ZNF382: variants seen among roughly 807,000 people sequenced by gnomAD.
The protein encoded by ZNF382 is KRAB/zinc finger suppressor protein 1.
A neutral mutation model predicts 38.8 loss-of-function variants in ZNF382; 20 were observed. That is an observed-to-expected ratio of 0.51 (90% CI 0.36 to 0.75). The LOEUF (loss-of-function observed/expected upper bound fraction) is 0.75, where lower values mean the gene tolerates loss of function less well. Ranked by LOEUF, ZNF382 falls within the 30% of genes least tolerant of loss-of-function variation. The pLI, the probability that ZNF382 is intolerant of heterozygous loss-of-function variation, is 0.00. For synonymous variants in ZNF382, 202 were observed against 223.1 expected, an observed-to-expected ratio of 0.91 and a Z score of 0.84; for missense variants, 546 against 654.1, an observed-to-expected ratio of 0.83 and a Z score of 1.80.
At position 36,626,234 on chromosome 19, in the gene ZNF382, A is replaced by G. The variant is rs772050971; in HGVS notation, c.337A>G (p.Arg113Gly). 6.2e-7 allele frequency: 1 copy of G among 1,608,162 alleles called. No homozygotes were observed. Among genetic ancestry groups the G allele is most frequent in the Non-Finnish European group, 8.5e-7 (1 of 1,178,510 alleles). Residue 113 changes from arginine (R) to glycine (G), a missense_variant, in exon 5 of 5, where the codon AGA becomes GGA. Transcript: ENST00000292928. Reference protein sequence around the residue: ...FINHKKLIKERSNIYGKTFTL... With the variant: ...FINHKKLIKEGSNIYGKTFTL... ...CAACCACAAAAAACTAATTAAGGAG[A>G]GAAGTAATATTTATGGTAAAACATT...
rs1416552915 is a variant in ZNF382 at position 36,631,204 on chromosome 19, C to A, written c.*3654C>A. The A allele has an allele frequency of 6.6e-6, 1 of 152,126 alleles. No individual in the cohort carries two copies. Among genetic ancestry groups the A allele is most frequent in the Non-Finnish European group, 1.5e-5 (1 of 68,054 alleles). 9.4% of individuals were successfully genotyped at this position (152,126 alleles called of 1,614,324 possible). A position where few individuals can be genotyped will look rare whatever the true frequency, so the allele number is the denominator to read the frequency against. ...GTGCAAGCATCACAGAGTGCTGATA[C>A]AAACCGAGATGGTACAGCCTACTAA... On this transcript the variant is annotated 3_prime_UTR_variant, in exon 5 of 5. Coordinates refer to ENST00000292928, the MANE Select transcript of ZNF382 (RefSeq NM_032825.5).
chr19:36,612,378 A>G (rs1039687328), intron 4 of ZNF382, among the ~76,000 whole-genome samples: 1 of 152,200 alleles, frequency 6.6e-6, no homozygotes, highest in South Asian at 2.1e-4. Context: ...GGATGTTTCT[A>G]GTTTAGACCT....
rs574279477 is a variant in ZNF382, at chr19:36,613,703, G to A, written c.232+2961G>A. On this transcript the variant is annotated intron_variant, in intron 4 of 4. Coordinates refer to ENST00000292928, the MANE Select transcript of ZNF382 (RefSeq NM_032825.5). ...GATCCACCTGCCTCAGCCTCCCAAA[G>A]TGCTGGGATTACAGGCATGAGCCAC... Among the ~76,000 whole-genome samples, 5 of 152,036 alleles carry A rather than the reference G, an allele frequency of 3.3e-5. No homozygotes were observed. In the East Asian group the frequency reaches 9.7e-4, roughly 30 times the overall value.
intron 4 of ZNF382, among the ~76,000 whole-genome samples, chr19:36,620,680 C>A (rs1400597898): frequency 2.0e-5 from 3 of 152,066 alleles, no homozygotes; most frequent in African/African-American, 7.2e-5. Flanking sequence ...ATCAATTGTC[C>A]TATCCTTTTT....
At position 36,626,923 on chromosome 19, in the gene ZNF382, T is replaced by C; in HGVS notation, c.1026T>C (p.His342=). 1 of 1,614,120 alleles carries C rather than the reference T, an allele frequency of 6.2e-7. No individual in the cohort carries two copies. The part of the protein sequence containing the change: ...AFRQKTALTL[H]EKTHIEGKPF... Reference sequence around the variant, plus strand: ...GTCAGAAGACAGCCCTCACCCTTCATGAGAAAACACATATAGAGGGGAAAC... The same window carrying C: ...GTCAGAAGACAGCCCTCACCCTTCACGAGAAAACACATATAGAGGGGAAAC... The change falls in exon 5 of 5, where the codon CAT becomes CAC. Residue 342 remains histidine (H), a synonymous_variant. Coordinates refer to ENST00000292928, the MANE Select transcript of ZNF382 (RefSeq NM_032825.5).
intron 2 of ZNF382, 77 bp downstream of exon 2, chr19:36,607,699 C>T (rs2037045773): frequency 1.5e-6 from 2 of 1,362,110 alleles, no homozygotes; most frequent in Non-Finnish European, 1.9e-6. Flanking sequence ...GTCCTTTAAC[C>T]TTCCCTGATA....
chr19:36,622,444 C>A (rs1332821388), intron 4 of ZNF382, among the ~76,000 whole-genome samples: 1 of 152,204 alleles, frequency 6.6e-6, no homozygotes, highest in East Asian at 1.9e-4. Flanking sequence ...TGGGCAGAGT[C>A]TGGGAAAGTG....
rs201684196 is a variant in ZNF382, at chr19:36,627,079, C to A, written c.1182C>A (p.Tyr394Ter). The change falls in exon 5 of 5, where the codon TAC (tyrosine) becomes TAA (stop). Residue 394 changes from tyrosine (Y) to a stop codon, truncating the protein, a stop_gained. Coordinates refer to ENST00000292928, the MANE Select transcript of ZNF382 (RefSeq NM_032825.5). LOFTEE classifies it high-confidence loss of function. ...GAAGTGCCTTTAGGAAGAAGTCATACCTCATTGATCACCAGAGAACTCACA... is the reference window on the plus strand; with the variant it reads ...GAAGTGCCTTTAGGAAGAAGTCATAACTCATTGATCACCAGAGAACTCACA... Reference protein sequence around the residue: ...QCGSAFRKKSYLIDHQRTHTG... With the variant: ...QCGSAFRKKS The A allele has an allele frequency of 1.2e-6, 2 of 1,614,004 alleles. No individual in the cohort carries two copies. The highest frequency in any genetic ancestry group is 1.7e-6 in the Non-Finnish European group (2 of 1,180,016).
chr19:36,627,224 A>G lies in ZNF382; in HGVS notation c.1327A>G (p.Lys443Glu). The G allele has an allele frequency of 6.2e-7, 1 of 1,614,122 alleles. No homozygotes were observed. Reference protein sequence around the residue: ...EKPYICNECGKSFCQKTTLTL... With the variant: ...EKPYICNECGESFCQKTTLTL... Reference sequence around the variant, plus strand: ...ACCCTATATTTGCAATGAATGTGGGAAGTCCTTCTGCCAAAAGACAACCCT... The same window carrying G: ...ACCCTATATTTGCAATGAATGTGGGGAGTCCTTCTGCCAAAAGACAACCCT... Residue 443 changes from lysine (K) to glutamate (E), a missense_variant, in exon 5 of 5, where the codon AAG (lysine) becomes GAG (glutamate). Physicochemically the swap from Lys to Glu is moderately conservative, Grantham distance 56. Coordinates refer to ENST00000292928, the MANE Select transcript of ZNF382 (RefSeq NM_032825.5).
At position 36,626,184 on chromosome 19, in the gene ZNF382, G is replaced by C; in HGVS notation, c.287G>C (p.Arg96Thr). The C allele has an allele frequency of 1.3e-6, 2 of 1,576,028 alleles. No homozygotes were observed. The highest frequency in any genetic ancestry group is 1.7e-6 in the Non-Finnish European group (2 of 1,168,648). ...VLVKFKEYQD[R>T]HSRPLIFINH... The stretch of plus-strand genomic sequence containing the variant: ...GTGAAGTTCAAAGAATACCAAGACA[G>C]GCATTCTAGACCCCTCATATTCATC... The change falls in exon 5 of 5, where the codon AGG becomes ACG. Residue 96 changes from arginine to threonine, a missense_variant. Physicochemically the swap from Arg to Thr is moderately conservative, Grantham distance 71. Transcript: ENST00000292928.
In ZNF382 at chr19:36,626,358, T is replaced by C; in HGVS notation, c.461T>C (p.Ile154Thr). 6.3e-7 allele frequency: 1 copy of C among 1,579,940 alleles called. No homozygotes were observed. The highest frequency in any genetic ancestry group is 1.4e-5 in the African/African-American group (1 of 73,066). The change falls in exon 5 of 5, where the codon ATA (isoleucine) becomes ACA (threonine). Residue 154 changes from isoleucine to threonine, a missense_variant. Ile to Thr is a moderately conservative substitution (Grantham distance 89). Transcript: ENST00000292928. ...KNISELVIRN[I>T]SPIKEKFGDS... Reference sequence around the variant, plus strand: ...ATTTCAGAACTAGTCATTAGAAATATAAGCCCCATAAAAGAGAAGTTTGGT... The same window carrying C: ...ATTTCAGAACTAGTCATTAGAAATACAAGCCCCATAAAAGAGAAGTTTGGT...
chr19:36,614,928 T>TCCCTTTCCCTTTCCCTTC, intron 4 of ZNF382, among the ~76,000 whole-genome samples: 2 of 126,662 alleles, frequency 1.6e-5, no homozygotes, highest in African/African-American at 6.1e-5. Flanking sequence ...CCTTTCCCTT[T>TCCCTTTCCCTTTCCCTTC]CCCTTTCCCT....
intron 4 of ZNF382, among the ~76,000 whole-genome samples, chr19:36,618,566 A>G (rs1012787632): frequency 1.3e-4 from 20 of 152,198 alleles, no homozygotes; most frequent in African/African-American, 4.3e-4. Flanking sequence ...TGCCTGAACT[A>G]CTGAGAACAT....
At chr19:36,615,364 G>T (rs1357141531) in intron 4 of ZNF382, among the ~76,000 whole-genome samples, 1 of 152,156 alleles carries the variant, frequency 6.6e-6, no homozygotes, top group Non-Finnish European at 1.5e-5. Context: ...CTAAGAAGTA[G>T]ATAGTTGTGA....
At position 36,610,754 on chromosome 19, in the gene ZNF382, A is replaced by C; in HGVS notation, c.232+12A>C. 1.3e-6 allele frequency: 2 copies of C among 1,593,872 alleles called. No individual in the cohort carries two copies. Among genetic ancestry groups the C allele is most frequent in the Non-Finnish European group, 1.7e-6 (2 of 1,163,820 alleles). On this transcript the variant is annotated intron_variant, in intron 4 of 4. Transcript: ENST00000292928. ...TTACAGCTACCTAGGTGAGTCTATAAATGAAGTCTAGTGAACATTAAATGT... is the reference window on the plus strand; with the variant it reads ...TTACAGCTACCTAGGTGAGTCTATACATGAAGTCTAGTGAACATTAAATGT...
intron 3 of ZNF382, 44 bp from the exon 4 acceptor site, chr19:36,610,606 A>G: frequency 6.6e-7 from 1 of 1,519,556 alleles, no homozygotes; most frequent in South Asian, 1.2e-5. Context: ...AATAGTTTTA[A>G]AGTCGAAACA....
At chr19:36,606,843 C>A (rs2145308731) in intron 1 of ZNF382, among the ~76,000 whole-genome samples, 1 of 151,936 alleles carries the variant, frequency 6.6e-6, no homozygotes, top group East Asian at 1.9e-4. Flanking sequence ...TTTGGGAGGC[C>A]AAGGTGGGCA....
chr19:36,627,066 GGAA>G lies in ZNF382; in HGVS notation c.1174_1176del (p.Lys392del). On this transcript the variant is annotated inframe_deletion, in exon 5 of 5. Coordinates refer to ENST00000292928, the MANE Select transcript of ZNF382 (RefSeq NM_032825.5). ...TGTCCTCAGTGTGGAAGTGCCTTTAGGAAGAAGTCATACCTCATTGATCACCAG... is the reference window on the plus strand; with the variant it reads ...TGTCCTCAGTGTGGAAGTGCCTTTAGGAAGTCATACCTCATTGATCACCAG... The G allele has an allele frequency of 1.2e-6, 2 of 1,613,998 alleles. No individual in the cohort carries two copies. Among genetic ancestry groups the G allele is most frequent in the Non-Finnish European group, 1.7e-6 (2 of 1,180,018 alleles).
chr19:36,613,603 G>A (rs534688189), intron 4 of ZNF382, among the ~76,000 whole-genome samples: 21 of 151,980 alleles, frequency 1.4e-4, no homozygotes, highest in Admixed American at 1.2e-3. Flanking sequence ...ACCACGCCCC[G>A]CTAATTCTGT....
Sources: allele counts gnomAD v4.1 joint callset (sites outside exome capture counted in the v4.1 genomes callset), GRCh38; gene constraint gnomAD v4.1.1; transcripts MANE v1.5; gene names NCBI Gene and HGNC (gene_info 2026-07-23, HGNC 2026-07-21).